Variants in SAP130 observed in about 807,000 individuals in gnomAD.
The protein encoded by SAP130 is histone deacetylase complex subunit SAP130.
SAP130 carries 16 observed loss-of-function variants against 103.2 expected under a neutral mutation model. The observed-to-expected ratio is 0.16, with a 90% CI of 0.10 to 0.24. The LOEUF (loss-of-function observed/expected upper bound fraction) is 0.24, where lower values mean the gene tolerates loss of function less well. Ranked by LOEUF, SAP130 falls within the 10% of genes least tolerant of loss-of-function variation. SAP130 has a pLI of 1.00. For missense variants in SAP130, 990 were observed against 1,359.7 expected, an observed-to-expected ratio of 0.73 and a Z score of 4.28; for synonymous variants, 477 against 497.0, an observed-to-expected ratio of 0.96 and a Z score of 0.53.
chr2:127,955,235 T>C lies in SAP130; in HGVS notation c.2173A>G (p.Thr725Ala), dbSNP rs1468030444. ...NDQPTIAVPP[T>A]AQQPPPTIPT... is the part of the protein sequence containing the mutation. ...ATGGTCGGTGGGGGCTGCTGGGCAG[T>C]TGGAGGGACGGCAATGGTAGGCTGA... The change falls in exon 16 of 21, where the codon ACT (threonine) becomes GCT (alanine). Residue 725 changes from threonine to alanine, a missense_variant. Coordinates refer to ENST00000643581, the MANE Select transcript of SAP130 (RefSeq NM_001330301.2). This position sits in a 1 kb window ranked among gnomAD's most constrained non-coding sequence, Gnocchi z 4.9. 4 of 1,613,962 alleles carry C rather than the reference T, an allele frequency of 2.5e-6. No homozygotes were observed. Among genetic ancestry groups the C allele is most frequent in the Middle Eastern group, 1.6e-4 (1 of 6,062 alleles).
intron 6 of SAP130, among the ~76,000 whole-genome samples, chr2:128,012,695 A>T (rs1331146644): frequency 6.6e-6 from 1 of 151,932 alleles, no homozygotes; most frequent in Admixed American, 6.6e-5. Flanking sequence ...AGGAGTCCAC[A>T]GATCCCCCCA....
chr2:128,000,010 GCCT>G, intron 9 of SAP130, 43 bp downstream of exon 9: 1 of 1,563,138 alleles, frequency 6.4e-7, no homozygotes, highest in Non-Finnish European at 8.8e-7. Flanking sequence ...CATCACTCTT[GCCT>G]CCTTTTTCCC....
rs371766763 is a variant in SAP130 at position 127,946,248 on chromosome 2, A to G, written c.2798-689T>C. Among the ~76,000 whole-genome samples the G allele has an allele frequency of 5.3e-5, 8 of 152,282 alleles. No individual in the cohort carries two copies. In the East Asian group the frequency reaches 1.2e-3, roughly 22 times the overall value. ...AAGTTCAAACCTAAAGGTGCTCCCC[A>G]TAACAGTGGAGGCTGTGGCAAAGGG... On this transcript the variant is annotated intron_variant, in intron 18 of 20. Coordinates refer to ENST00000643581, the MANE Select transcript of SAP130 (RefSeq NM_001330301.2).
At chr2:127,960,150 T>C (rs907425017) in intron 15 of SAP130, among the ~76,000 whole-genome samples, 2 of 152,204 alleles carry the variant, frequency 1.3e-5, no homozygotes, top group African/African-American at 4.8e-5. Context: ...AGAATAAAGA[T>C]GTTTTCTGAT....
intron 12 of SAP130, among the ~76,000 whole-genome samples, chr2:127,992,930 T>G (rs1299027468): frequency 2.6e-5 from 4 of 152,206 alleles, no homozygotes; most frequent in African/African-American, 9.6e-5. Context: ...ACTACTGTCA[T>G]TTTAAGGAGT....
chr2:127,975,914 G>A (rs1316653433), intron 15 of SAP130, among the ~76,000 whole-genome samples: 1 of 152,136 alleles, frequency 6.6e-6, no homozygotes, highest in Admixed American at 6.5e-5. Flanking sequence ...GTGCGATCTT[G>A]GCTCACTGCA....
In SAP130 at chr2:127,971,323, T is replaced by C. The variant is rs868571519; in HGVS notation, c.2063+6662A>G. Among the ~76,000 whole-genome samples the C allele has an allele frequency of 1.8e-4, 26 of 148,338 alleles. No homozygotes were observed. In the Middle Eastern group the frequency reaches 0.01, roughly 60 times the overall value. ...TTTTTTGAGACGGAGTCTCGCTCTG[T>C]CACCCAGGCTGGAGTGCAGTGGTGC... On this transcript the variant is annotated intron_variant, in intron 15 of 20. Transcript: ENST00000643581.
At chr2:128,021,104 G>GA (rs1685121532) in intron 2 of SAP130, among the ~76,000 whole-genome samples, 1 of 152,056 alleles carries the variant, frequency 6.6e-6, no homozygotes, top group Non-Finnish European at 1.5e-5. Flanking sequence ...CAACAATCTT[G>GA]TCCAATGATC....
At chr2:127,978,529 T>G (rs1404310089) in intron 14 of SAP130, among the ~76,000 whole-genome samples, 1 of 152,358 alleles carries the variant, frequency 6.6e-6, no homozygotes, top group Non-Finnish European at 1.5e-5. Context: ...AGATCAATTG[T>G]GCTGTGCAGC....
chr2:127,994,328 C>T (rs184638774), intron 11 of SAP130, among the ~76,000 whole-genome samples: 8 of 152,178 alleles, frequency 5.3e-5, no homozygotes, highest in Admixed American at 3.3e-4. Context: ...CTCAGGAGTT[C>T]GAGACCAGCC....
At chr2:127,957,311 A>G (rs923270949) in intron 15 of SAP130, among the ~76,000 whole-genome samples, 3 of 152,280 alleles carry the variant, frequency 2.0e-5, no homozygotes, top group Admixed American at 6.5e-5. Flanking sequence ...CTGGAATACA[A>G]AAGTGTAAAG....
chr2:127,958,104 T>G (rs191377936), intron 15 of SAP130, among the ~76,000 whole-genome samples: 2 of 152,320 alleles, frequency 1.3e-5, no homozygotes, highest in Non-Finnish European at 2.9e-5. Context: ...GTTCTGCACA[T>G]GTATCCCAGA....
Position 127,986,830 on chromosome 2 carries a change from G to A in SAP130, c.1913C>T (p.Ser638Leu), listed in dbSNP as rs764491200. The change falls in exon 14 of 21, where the codon TCA becomes TTA. Residue 638 changes from serine (S) to leucine (L), a missense_variant. Ser to Leu is a moderately radical substitution (Grantham distance 145, BLOSUM62 -2). Transcript: ENST00000643581. This position sits in a 1 kb window ranked among gnomAD's most constrained non-coding sequence, Gnocchi z 4.7. ...SASTNAPAQG[S>L]SPRPSILRKK... The stretch of plus-strand genomic sequence containing the variant: ...CCGGAGTATGCTTGGCCGTGGCGAT[G>A]AGCCCTGGGCGGGAGCGTTGGTGCT... 3 of 1,614,226 alleles carry A rather than the reference G, an allele frequency of 1.9e-6. No individual in the cohort carries two copies. The highest frequency in any genetic ancestry group is 2.5e-6 in the Non-Finnish European group (3 of 1,180,044).
At chr2:128,020,949 C>A (rs1364684698) in intron 2 of SAP130, among the ~76,000 whole-genome samples, 4 of 152,014 alleles carry the variant, frequency 2.6e-5, no homozygotes, top group Non-Finnish European at 4.4e-5. Context: ...CGAGCCAAGA[C>A]TGTGCACTCC....
intron 18 of SAP130, among the ~76,000 whole-genome samples, chr2:127,948,056 C>G (rs1679231717): frequency 6.6e-6 from 1 of 152,094 alleles, no homozygotes; most frequent in African/African-American, 2.4e-5. Context: ...TCCCAAAGTG[C>G]TGGGATTACA....
At chr2:127,978,232 T>C in intron 14 of SAP130, 143 bp from the exon 15 acceptor site, 1 of 628,216 alleles carries the variant, frequency 1.6e-6, no homozygotes, top group South Asian at 1.9e-5. Flanking sequence ...GGATTTTCAT[T>C]TTCTCGGATA....
intron 7 of SAP130, 138 bp downstream of exon 7, chr2:128,010,131 G>A (rs987684490): frequency 3.7e-6 from 3 of 818,110 alleles, no homozygotes; most frequent in African/African-American, 3.5e-5. Flanking sequence ...TTTAGCCCCA[G>A]GATTTAGAAC....
chr2:127,981,463 A>G (rs191786764), intron 14 of SAP130, among the ~76,000 whole-genome samples: 39 of 110,292 alleles, frequency 3.5e-4, no homozygotes, highest in South Asian at 6.7e-4. Context: ...ACCCCAACCT[A>G]GTCCTCCTGC....
At chr2:127,944,492 T>C (rs1678930945) in intron 19 of SAP130, among the ~76,000 whole-genome samples, 1 of 151,862 alleles carries the variant, frequency 6.6e-6, no homozygotes, top group Non-Finnish European at 1.5e-5. Flanking sequence ...TGCAGTGGCA[T>C]GATCTCTGCT....
Sources: gnomAD v4.1 joint callset for allele counts (sites outside exome capture counted in the v4.1 genomes callset) on GRCh38, gnomAD v4.1.1 for gene constraint, Gnocchi (gnomAD v3.1) non-coding constraint, MANE v1.5 for transcripts, NCBI Gene and HGNC (gene_info 2026-07-23, HGNC 2026-07-21) for gene names.